The following SNX29 variants were observed in gnomAD, a reference collection of about 807,000 sequenced individuals.
SNX29 encodes sorting nexin 29, also known as sorting nexin-29.
A neutral mutation model predicts 102.1 loss-of-function variants in SNX29; 78 were observed. The observed-to-expected ratio is 0.76, with a 90% CI of 0.64 to 0.92. The LOEUF (loss-of-function observed/expected upper bound fraction) is 0.92, where lower values mean the gene tolerates loss of function less well. SNX29 is among the 40% of genes least tolerant of loss of function. The pLI, the probability that SNX29 is intolerant of heterozygous loss-of-function variation, is 0.00. For missense variants in SNX29, 1,280 were observed against 1,061.7 expected, an observed-to-expected ratio of 1.21 and a Z score of -2.86; for synonymous variants, 580 against 414.5, an observed-to-expected ratio of 1.40 and a Z score of -4.85.
intron 15 of SNX29, among the ~76,000 whole-genome samples, chr16:12,336,275 C>T (rs2081446651): frequency 6.6e-6 from 1 of 152,116 alleles, no homozygotes; most frequent in African/African-American, 2.4e-5. Flanking sequence ...CCAAGGTATT[C>T]AGAATAGACT....
In SNX29 at chr16:12,572,417, A is replaced by T. The variant is rs569547897; in HGVS notation, c.*3788A>T. On this transcript the variant is annotated 3_prime_UTR_variant, in exon 21 of 21. Transcript: ENST00000566228. ...AGCCTGAGGCAGGGCTCTGTGGCCCAGGCCGGCAGTGGCTGCCTCTCTTGG... is the reference window on the plus strand; with the variant it reads ...AGCCTGAGGCAGGGCTCTGTGGCCCTGGCCGGCAGTGGCTGCCTCTCTTGG... The T allele has an allele frequency of 1.1e-4, 113 of 1,063,710 alleles. No individual in the cohort carries two copies. The African/African-American group carries it at 1.7e-3, about 16-fold the overall frequency. The allele number at this position is 1,063,710 out of a possible 1,614,324, so 65.9% of individuals were successfully genotyped here.
At chr16:12,198,155 T>A (rs921799662) in intron 13 of SNX29, among the ~76,000 whole-genome samples, 5 of 152,208 alleles carry the variant, frequency 3.3e-5, no homozygotes, top group Admixed American at 3.3e-4. Flanking sequence ...TGGTAGTGAT[T>A]GTCAAAGCAT....
chr16:12,235,757 A>G (rs919185191), intron 14 of SNX29, among the ~76,000 whole-genome samples: 2 of 152,012 alleles, frequency 1.3e-5, no homozygotes, highest in African/African-American at 4.8e-5. Flanking sequence ...TAAACACAAT[A>G]AAGGTGGATG....
chr16:12,031,258 G>C (rs916024197), intron 4 of SNX29, among the ~76,000 whole-genome samples: 2 of 151,858 alleles, frequency 1.3e-5, no homozygotes, highest in Admixed American at 1.3e-4. Flanking sequence ...TTTTGGTAGA[G>C]ATGGGGTTTC....
intron 15 of SNX29, among the ~76,000 whole-genome samples, chr16:12,316,767 CT>C (rs1261115159): frequency 6.6e-6 from 1 of 152,144 alleles, no homozygotes; most frequent in African/African-American, 2.4e-5. Context: ...ATCCTCTTCC[CT>C]CCTGGCTCTT....
At chr16:12,430,654 A>G (rs1378578187) in intron 18 of SNX29, among the ~76,000 whole-genome samples, 1 of 152,206 alleles carries the variant, frequency 6.6e-6, no homozygotes, top group African/African-American at 2.4e-5. Context: ...AGTCCCAGTA[A>G]TATAGCTCAT....
intron 13 of SNX29, among the ~76,000 whole-genome samples, chr16:12,153,145 C>T (rs1028058058): frequency 6.6e-6 from 1 of 152,172 alleles, no homozygotes; most frequent in Admixed American, 6.5e-5. Flanking sequence ...TGCCTATAAT[C>T]CCATTGCTTT....
At chr16:12,452,095 C>G (rs1215112216) in intron 18 of SNX29, among the ~76,000 whole-genome samples, 1 of 152,086 alleles carries the variant, frequency 6.6e-6, no homozygotes, top group African/African-American at 2.4e-5. Context: ...GGGTGCTGGA[C>G]CCACCCTGAG....
chr16:12,083,316 A>AAC (rs1358344020), intron 11 of SNX29, among the ~76,000 whole-genome samples: 1 of 151,740 alleles, frequency 6.6e-6, no homozygotes, highest in Admixed American at 6.6e-5. Flanking sequence ...AAAAAAAAAA[A>AAC]AAACCCCTCA....
chr16:12,343,955 C>T (rs2151268380), intron 15 of SNX29, among the ~76,000 whole-genome samples: 1 of 152,206 alleles, frequency 6.6e-6, no homozygotes, highest in East Asian at 1.9e-4. Flanking sequence ...ATAATTCCCA[C>T]ATGTTGTGGG....
chr16:12,468,685 T>G (rs975324657), intron 18 of SNX29, among the ~76,000 whole-genome samples: 1 of 152,054 alleles, frequency 6.6e-6, no homozygotes, highest in African/African-American at 2.4e-5. Flanking sequence ...TTCTCCATGA[T>G]AGCCCCAGGG....
chr16:12,356,317 C>G (rs1324418154), intron 16 of SNX29, 38 bp downstream of exon 16: 1 of 1,531,466 alleles, frequency 6.5e-7, no homozygotes, highest in East Asian at 2.4e-5. Context: ...TGTCAAGCCT[C>G]TGCTGCCCAC....
At chr16:12,027,283 T>A in intron 3 of SNX29, 37 bp from the exon 4 acceptor site, 2 of 1,610,652 alleles carry the variant, frequency 1.2e-6, no homozygotes, top group Non-Finnish European at 1.7e-6. Flanking sequence ...CTACTCCCTT[T>A]TCTGGGGGGA....
chr16:12,433,760 G>T (rs1162079417), intron 18 of SNX29, among the ~76,000 whole-genome samples: 2 of 152,172 alleles, frequency 1.3e-5, no homozygotes, highest in Non-Finnish European at 2.9e-5. Context: ...GGGGGCGGAG[G>T]TTGCAGTGAG....
chr16:12,476,550 T>G (rs2151816466), intron 18 of SNX29, among the ~76,000 whole-genome samples: 2 of 149,082 alleles, frequency 1.3e-5, no homozygotes, highest in South Asian at 4.3e-4. Context: ...GTAACTGATC[T>G]GATTATAGGT....
intron 19 of SNX29, among the ~76,000 whole-genome samples, chr16:12,482,904 A>G (rs2088014648): frequency 1.3e-5 from 2 of 152,138 alleles, no homozygotes; most frequent in Admixed American, 1.3e-4. Context: ...TCTTTACCAA[A>G]GAATCTGTTG....
At chr16:11,985,548 C>T (rs2055583489) in intron 1 of SNX29, among the ~76,000 whole-genome samples, 1 of 152,212 alleles carries the variant, frequency 6.6e-6, no homozygotes, top group African/African-American at 2.4e-5. Context: ...GTTGGCTTCA[C>T]CCACAGGCAG....
chr16:12,555,713 G>A (rs751473509), intron 20 of SNX29, among the ~76,000 whole-genome samples: 11 of 152,066 alleles, frequency 7.2e-5, no homozygotes, highest in Non-Finnish European at 1.5e-4. Context: ...GATTCTCCCT[G>A]ATTGGCCCTT....
chr16:12,172,892 G>A (rs1442222772), intron 13 of SNX29, among the ~76,000 whole-genome samples: 4 of 152,188 alleles, frequency 2.6e-5, no homozygotes, highest in African/African-American at 9.7e-5. Context: ...TATGGTCTTC[G>A]TCGCAGCTGC....
Sources: allele counts gnomAD v4.1 joint callset (sites outside exome capture counted in the v4.1 genomes callset), GRCh38; gene constraint gnomAD v4.1.1; transcripts MANE v1.5; gene names NCBI Gene and HGNC (gene_info 2026-07-23, HGNC 2026-07-21).